Variants in ASTN2 observed in about 807,000 individuals in gnomAD.
The protein encoded by ASTN2 is astrotactin-2.
In ASTN2, 54 loss-of-function variants were observed where a neutral mutation model predicts 139.8. That is an observed-to-expected ratio of 0.39 (90% CI 0.31 to 0.48). The LOEUF is 0.48. ASTN2 is among the 20% of genes least tolerant of loss of function. The pLI is 0.95. For synonymous variants in ASTN2, 756 were observed against 719.5 expected (o/e 1.05, Z -0.81); for missense variants, 1,565 against 1,725.1 (o/e 0.91, Z 1.64).
chr9:116,770,816 A>T lies in ASTN2; in HGVS notation c.2396+34816T>A, dbSNP rs1027156507. On this transcript the variant is annotated intron_variant, in intron 13 of 22. Transcript: ENST00000313400. ...CCTCAATAAAAAGTTCTTGAGAAGG[A>T]CTCTCTTGAGGGTTTTCCCCAAGGG... Among the ~76,000 whole-genome samples, 7 of 151,838 alleles carry T rather than the reference A, an allele frequency of 4.6e-5. No individual in the cohort carries two copies. In the East Asian group the frequency reaches 1.4e-3, roughly 29 times the overall value.
chr9:116,742,157 T>C (rs1829111787), intron 13 of ASTN2, among the ~76,000 whole-genome samples: 1 of 152,224 alleles, frequency 6.6e-6, no homozygotes, highest in African/African-American at 2.4e-5. Context: ...GGAAATCCTA[T>C]TTCAGCTTTG....
chr9:116,655,461 A>G (rs1858154194), intron 16 of ASTN2, among the ~76,000 whole-genome samples: 1 of 152,094 alleles, frequency 6.6e-6, no homozygotes, highest in Admixed American at 6.5e-5. Flanking sequence ...CTCTAGTTGG[A>G]TCTCTTATTC....
At chr9:116,617,278 C>T (rs927540426) in intron 19 of ASTN2, among the ~76,000 whole-genome samples, 11 of 152,026 alleles carry the variant, frequency 7.2e-5, no homozygotes, top group Non-Finnish European at 1.0e-4. Context: ...AGGAGAGAGA[C>T]AGGTAGAAGA....
At chr9:116,904,158 C>T (rs1834095069) in intron 10 of ASTN2, among the ~76,000 whole-genome samples, 1 of 152,140 alleles carries the variant, frequency 6.6e-6, no homozygotes, top group African/African-American at 2.4e-5. Flanking sequence ...AGTAGAGACT[C>T]CCTTGCTTCT....
intron 7 of ASTN2, among the ~76,000 whole-genome samples, chr9:116,992,393 G>T (rs1836884924): frequency 6.6e-6 from 1 of 152,108 alleles, no homozygotes; most frequent in African/African-American, 2.4e-5. Flanking sequence ...GTCTTTAAAG[G>T]CTTCTCAGGA....
chr9:116,996,848 AT>A (rs1310781819), intron 7 of ASTN2, among the ~76,000 whole-genome samples: 1 of 152,070 alleles, frequency 6.6e-6, no homozygotes, highest in East Asian at 1.9e-4. Context: ...TCCTGGATTT[AT>A]TTTTTAAATA....
At chr9:116,497,275 G>A (rs751959664) in intron 19 of ASTN2, among the ~76,000 whole-genome samples, 3 of 152,178 alleles carry the variant, frequency 2.0e-5, no homozygotes, top group Non-Finnish European at 4.4e-5. Flanking sequence ...TAAGGAGTTT[G>A]TAAAAAGAGC....
At chr9:116,847,012 A>C (rs1190094438) in intron 11 of ASTN2, among the ~76,000 whole-genome samples, 52 of 127,248 alleles carry the variant, frequency 4.1e-4, no homozygotes, top group African/African-American at 1.6e-3. Flanking sequence ...ATTCTCAAAA[A>C]AAAAAAAAAA....
intron 3 of ASTN2, among the ~76,000 whole-genome samples, chr9:117,158,527 T>A (rs1830478573): frequency 6.6e-6 from 1 of 152,204 alleles, no homozygotes; most frequent in Middle Eastern, 3.4e-3. Context: ...GATCAACTTG[T>A]CTACAGAACT....
chr9:116,485,554 G>C (rs988410400), intron 20 of ASTN2, among the ~76,000 whole-genome samples: 3 of 152,216 alleles, frequency 2.0e-5, no homozygotes, highest in Admixed American at 6.5e-5. Context: ...TACTGCTTAA[G>C]AGTGTGTAGA....
intron 1 of ASTN2, among the ~76,000 whole-genome samples, chr9:117,395,827 T>A (rs1398865515): frequency 6.6e-6 from 1 of 152,044 alleles, no homozygotes. Context: ...TGAGGTGTGG[T>A]CCCAGATGGA....
At chr9:117,389,216 A>G (rs970503111) in intron 1 of ASTN2, among the ~76,000 whole-genome samples, 1 of 152,152 alleles carries the variant, frequency 6.6e-6, no homozygotes. Flanking sequence ...AGAGGGGAGA[A>G]AGGGCTTTTG....
intron 1 of ASTN2, among the ~76,000 whole-genome samples, chr9:117,363,877 G>A (rs1052574870): frequency 6.6e-6 from 1 of 152,070 alleles, no homozygotes; most frequent in Non-Finnish European, 1.5e-5. Flanking sequence ...CTTTTCTCTT[G>A]ACCTACTAGG....
chr9:116,648,762 A>G (rs886676023), intron 17 of ASTN2, among the ~76,000 whole-genome samples: 5 of 152,058 alleles, frequency 3.3e-5, no homozygotes, highest in Non-Finnish European at 7.4e-5. Context: ...AGCTGGGCGC[A>G]GTGGCTTACA....
rs1030981906 is a variant in ASTN2, at chr9:117,140,175, G to A, written c.1168+1151C>T. 2.6e-5 allele frequency among the ~76,000 whole-genome samples: 4 copies of A among 152,280 alleles called. No individual in the cohort carries two copies. The South Asian group carries it at 6.2e-4, about 24-fold the overall frequency. Reference sequence around the variant, plus strand: ...AAGTTAAGAGTCAATAACCCTTAGGGGCCAGAGAGGTGGTTTCATGCAGAG... The same window carrying A: ...AAGTTAAGAGTCAATAACCCTTAGGAGCCAGAGAGGTGGTTTCATGCAGAG... On this transcript the variant is annotated intron_variant, in intron 4 of 22. Coordinates refer to ENST00000313400, the MANE Select transcript of ASTN2 (RefSeq NM_001365068.1).
Position 116,752,219 on chromosome 9 carries a change from C to T in ASTN2, c.2397-18696G>A, listed in dbSNP as rs188640608. Among the ~76,000 whole-genome samples, 122 of 152,190 alleles carry T rather than the reference C, an allele frequency of 8.0e-4. 2 individuals carry two copies. Among genetic ancestry groups the T allele is most frequent in the African/African-American group, 4.3e-4 (18 of 41,538 alleles). On this transcript the variant is annotated intron_variant, in intron 13 of 22. Transcript: ENST00000313400. ...GCAAATCTAGTCAACTGATCTTTAA[C>T]GCAGAAGCAAAGGCAGTTCAGTGGA...
chr9:116,706,481 GCTC>G (rs1373611535), intron 16 of ASTN2, among the ~76,000 whole-genome samples: 4 of 152,068 alleles, frequency 2.6e-5, no homozygotes, highest in Non-Finnish European at 5.9e-5. Context: ...GAAAAGCCAG[GCTC>G]CTCTACTTTC....
intron 4 of ASTN2, among the ~76,000 whole-genome samples, chr9:117,112,437 T>C (rs1278944247): frequency 2.0e-5 from 3 of 152,110 alleles, no homozygotes; most frequent in African/African-American, 7.2e-5. Context: ...GGCTAAAGGA[T>C]AGGAATATAA....
At chr9:116,541,418 TATA>T (rs1296769225) in intron 19 of ASTN2, among the ~76,000 whole-genome samples, 1 of 152,216 alleles carries the variant, frequency 6.6e-6, no homozygotes, top group African/African-American at 2.4e-5. Flanking sequence ...CTACCCAACC[TATA>T]ATGAGAGCAG....
Sources: gnomAD v4.1 joint callset for allele counts (sites outside exome capture counted in the v4.1 genomes callset) on GRCh38, gnomAD v4.1.1 for gene constraint, MANE v1.5 for transcripts, NCBI Gene and HGNC (gene_info 2026-07-23, HGNC 2026-07-21) for gene names.